The following NDE1 variants were observed in gnomAD, a reference collection of about 807,000 sequenced individuals.
NDE1 encodes nuclear distribution protein nudE homolog 1.
In NDE1, 28 loss-of-function variants were observed where a neutral mutation model predicts 43.4. The ratio of observed to expected loss-of-function variants is 0.65; its 90% CI spans 0.48 to 0.89. The LOEUF is 0.89. Ranked by LOEUF, NDE1 falls within the 40% of genes least tolerant of loss-of-function variation. NDE1 has a pLI of 0.00. For synonymous variants in NDE1, 184 were observed against 172.0 expected, an observed-to-expected ratio of 1.07 and a Z score of -0.55; for missense variants, 441 against 434.1, an observed-to-expected ratio of 1.02 and a Z score of -0.14.
At chr16:15,659,425 CTTTTT>C (rs35091023) in intron 1 of NDE1, among the ~76,000 whole-genome samples, 2 of 58,890 alleles carry the variant, frequency 3.4e-5, no homozygotes, top group South Asian at 7.4e-4. Context: ...TGCACACAAT[CTTTTT>C]TTTTTTTTTT....
chr16:15,718,263 G>A (rs372643510), intron 8 of NDE1: 4 of 1,603,902 alleles, frequency 2.5e-6, no homozygotes, highest in Non-Finnish European at 3.4e-6. Flanking sequence ...GCAGGATCCT[G>A]CTGCAGGAGA....
chr16:15,688,912 G>A (rs1407847348), intron 5 of NDE1, among the ~76,000 whole-genome samples: 1 of 151,108 alleles, frequency 6.6e-6, no homozygotes, highest in Non-Finnish European at 1.5e-5. Context: ...TGGCCAGGCT[G>A]GTCTTGAACT....
intron 4 of NDE1, chr16:15,686,308 A>G (rs2151098433): frequency 1.1e-6 from 1 of 908,082 alleles, no homozygotes; most frequent in Non-Finnish European, 1.3e-6. Flanking sequence ...GGTTACTATT[A>G]CTATCCTTGT....
chr16:15,649,449 C>T (rs2036399841), upstream of NDE1: 1 of 152,380 alleles, frequency 6.6e-6, no homozygotes, highest in South Asian at 2.1e-4. Context: ...GCCTCAGCCT[C>T]CTGAGTAGCT....
intron 4 of NDE1, among the ~76,000 whole-genome samples, chr16:15,678,464 A>G (rs533225469): frequency 1.3e-5 from 2 of 152,056 alleles, no homozygotes; most frequent in Non-Finnish European, 2.9e-5. Context: ...TCCTGGATTC[A>G]AGCAATTCTC....
Position 15,720,317 on chromosome 16 carries a change from G to A in NDE1, c.948-3874G>A, listed in dbSNP as rs762621116. 1.2e-6 allele frequency: 2 copies of A among 1,613,168 alleles called. No individual in the cohort carries two copies. Among genetic ancestry groups the A allele is most frequent in the African/African-American group, 2.7e-5 (2 of 74,910 alleles). ...TTCCGTCTCATACTCGTGAAGCTGG[G>A]CGAGGAATAGAGATGTGTGCTGCCC... On this transcript the variant is annotated intron_variant, in intron 8 of 8. Transcript: ENST00000396354.
intron 3 of NDE1, among the ~76,000 whole-genome samples, chr16:15,671,859 A>G (rs2151462384): frequency 6.6e-6 from 1 of 151,844 alleles, no homozygotes; most frequent in East Asian, 1.9e-4. Flanking sequence ...CGCCTGGCTA[A>G]TTTTTGTTAT....
In NDE1 at chr16:15,696,695, G is replaced by A. The variant is rs1256715196; in HGVS notation, c.796-14G>A. On this transcript the variant is annotated splice_polypyrimidine_tract_variant and intron_variant, in intron 7 of 8. Transcript: ENST00000396354. Reference sequence around the variant, plus strand: ...TGCCTATAACTTGAGAGATAAAAGTGTATTTCTGTCCAGGCACTGGAGTCC... The same window carrying A: ...TGCCTATAACTTGAGAGATAAAAGTATATTTCTGTCCAGGCACTGGAGTCC... The A allele has an allele frequency of 5.6e-6, 9 of 1,614,164 alleles. No homozygotes were observed. The highest frequency in any genetic ancestry group is 5.0e-5 in the Admixed American group (3 of 60,020).
chr16:15,677,669 T>A (rs1477493281), intron 3 of NDE1, 132 bp from the exon 4 acceptor site: 1 of 904,994 alleles, frequency 1.1e-6, no homozygotes, highest in African/African-American at 1.6e-5. Flanking sequence ...CTGCAGCCTC[T>A]AACTCCTGGG....
chr16:15,700,001 C>T, intron 8 of NDE1: 1 of 1,187,550 alleles, frequency 8.4e-7, no homozygotes, highest in South Asian at 1.6e-5. Context: ...GGGTTTGTCC[C>T]TGGGAAATGT....
chr16:15,666,048 G>A (rs968967559), intron 2 of NDE1, among the ~76,000 whole-genome samples: 7 of 152,024 alleles, frequency 4.6e-5, no homozygotes, highest in Non-Finnish European at 1.0e-4. Flanking sequence ...GAGCCACCAC[G>A]CCCGGTGTCC....
At chr16:15,724,050 A>G (rs2040619943) in intron 8 of NDE1, 141 bp from the exon 9 acceptor site, 13 of 1,539,422 alleles carry the variant, frequency 8.4e-6, no homozygotes, top group South Asian at 1.1e-5. Context: ...GGCTCCCCAC[A>G]GAGTGGAGAG....
Position 15,725,423 on chromosome 16 carries a change from A to G in NDE1, c.*1172A>G, listed in dbSNP as rs1797151284. On this transcript the variant is annotated 3_prime_UTR_variant, in exon 9 of 9. Coordinates refer to ENST00000396354, the MANE Select transcript of NDE1 (RefSeq NM_017668.3). ...AGGATGGTACTTGAACGTCCCAGGG[A>G]TGCTGTCCCATCCCTTCCTTCCTCA... 2 of 494,232 alleles carry G rather than the reference A, an allele frequency of 4.0e-6. No individual in the cohort carries two copies. Among genetic ancestry groups the G allele is most frequent in the East Asian group, 6.2e-5 (2 of 32,242 alleles). 30.6% of individuals were successfully genotyped at this position (494,232 alleles called of 1,614,324 possible).
intron 7 of NDE1, among the ~76,000 whole-genome samples, chr16:15,696,187 G>A (rs1190168927): frequency 3.4e-5 from 5 of 147,648 alleles, no homozygotes; most frequent in Non-Finnish European, 5.9e-5. Flanking sequence ...AAAATTTTTC[G>A]TAATTAAAAA....
chr16:15,700,026 C>T, intron 8 of NDE1: 1 of 1,185,798 alleles, frequency 8.4e-7, no homozygotes, highest in Non-Finnish European at 1.1e-6. Context: ...TCATCCTTAC[C>T]TGCCACCGTG....
In NDE1 at chr16:15,691,129, C is replaced by G; in HGVS notation, c.524-15C>G. On this transcript the variant is annotated splice_polypyrimidine_tract_variant and intron_variant, in intron 5 of 8. Coordinates refer to ENST00000396354, the MANE Select transcript of NDE1 (RefSeq NM_017668.3). ...GGCTGAGGACTTGAATTCCTGAATC[C>G]TTTTTCTGGCACAGATTTGCGGCAG... is the stretch of plus-strand genomic sequence containing the variant. 6.2e-7 allele frequency: 1 copy of G among 1,613,994 alleles called. No homozygotes were observed. Among genetic ancestry groups the G allele is most frequent in the Non-Finnish European group, 8.5e-7 (1 of 1,179,984 alleles).
intron 8 of NDE1, among the ~76,000 whole-genome samples, chr16:15,705,720 A>G (rs1364049917): frequency 2.0e-5 from 3 of 152,020 alleles, no homozygotes; most frequent in Non-Finnish European, 2.9e-5. Flanking sequence ...GGTGGCTCAC[A>G]CCTGTAATCT....
chr16:15,703,623 CTG>C (rs1287671244), intron 8 of NDE1: 16 of 400,016 alleles, frequency 4.0e-5, no homozygotes, highest in Non-Finnish European at 3.8e-5. Context: ...GACAGGGTCT[CTG>C]TTGCCCAGGC....
chr16:15,696,785 C>G lies in NDE1; in HGVS notation c.872C>G (p.Ser291Cys). 1 of 1,614,226 alleles carries G rather than the reference C, an allele frequency of 6.2e-7. No individual in the cohort carries two copies. ...CCAAACCGAACAGGTGGCCCAGCCT[C>G]TGGGCGGAGCAGCAAGAACAGAGAT... ...QSPNRTGGPA[S>C]GRSSKNRDGG... Residue 291 changes from serine (S) to cysteine (C), a missense_variant, in exon 8 of 9, where the codon TCT (serine) becomes TGT (cysteine). Coordinates refer to ENST00000396354, the MANE Select transcript of NDE1 (RefSeq NM_017668.3).
Sources: gnomAD v4.1 joint callset for allele counts (sites outside exome capture counted in the v4.1 genomes callset) on GRCh38, gnomAD v4.1.1 for gene constraint, MANE v1.5 for transcripts, NCBI Gene and HGNC (gene_info 2026-07-23, HGNC 2026-07-21) for gene names.